Variants in C14orf132 observed in about 807,000 individuals in gnomAD.
C14orf132 encodes uncharacterized protein C14orf132.
A neutral mutation model predicts 5.8 loss-of-function variants in C14orf132; 6 were observed. That is an observed-to-expected ratio of 1.03 (90% CI 0.57 to 2.04). The LOEUF (loss-of-function observed/expected upper bound fraction) is 2.04. Among genes scored for constraint, C14orf132 ranks in the 30% most tolerant of loss-of-function variants. The pLI, the probability that C14orf132 is intolerant of heterozygous loss-of-function variation, is 0.00. For missense variants in C14orf132, 125 were observed against 115.8 expected, an observed-to-expected ratio of 1.08 and a Z score of -0.37; for synonymous variants, 51 against 49.8, an observed-to-expected ratio of 1.02 and a Z score of -0.10.
intron 1 of C14orf132, among the ~76,000 whole-genome samples, chr14:96,079,193 G>A (rs528221782): frequency 1.0e-3 from 158 of 152,292 alleles, no homozygotes; most frequent in Admixed American, 6.2e-3. Flanking sequence ...ACGTACAGCC[G>A]AGTGCTGTGA....
At chr14:96,066,994 G>T (rs542257349) in intron 1 of C14orf132, among the ~76,000 whole-genome samples, 16 of 152,254 alleles carry the variant, frequency 1.1e-4, no homozygotes, top group Non-Finnish European at 1.6e-4. Context: ...TCAGGGAAAT[G>T]AACATCCCTC....
intron 1 of C14orf132, among the ~76,000 whole-genome samples, chr14:96,080,501 T>A (rs1018328703): frequency 6.6e-6 from 1 of 152,204 alleles, no homozygotes; most frequent in Non-Finnish European, 1.5e-5. Flanking sequence ...TATTGTTTTG[T>A]GTTTACCCAT....
chr14:96,040,872 T>C (rs1886674328), intron 1 of C14orf132, among the ~76,000 whole-genome samples: 1 of 152,146 alleles, frequency 6.6e-6, no homozygotes, highest in Admixed American at 6.5e-5. Context: ...CTTTCCAGGA[T>C]TTATTTCTAG....
At chr14:96,057,669 G>C (rs1345838248) in intron 1 of C14orf132, among the ~76,000 whole-genome samples, 1 of 152,206 alleles carries the variant, frequency 6.6e-6, no homozygotes, top group African/African-American at 2.4e-5. Context: ...AGTGGAATCT[G>C]TTTGGCCTCC....
At chr14:96,045,880 G>T (rs552451452) in intron 1 of C14orf132, among the ~76,000 whole-genome samples, 2 of 152,178 alleles carry the variant, frequency 1.3e-5, no homozygotes, top group African/African-American at 4.8e-5. Flanking sequence ...GTTTTTGCCC[G>T]AGTGGCATCA....
At chr14:96,049,316 G>A (rs142487536) in intron 1 of C14orf132, among the ~76,000 whole-genome samples, 64 of 151,518 alleles carry the variant, frequency 4.2e-4, no homozygotes. Flanking sequence ...CTTTTTAAAT[G>A]GAGTGTTGAA....
chr14:96,055,686 G>A (rs1360652286), intron 1 of C14orf132, among the ~76,000 whole-genome samples: 1 of 152,142 alleles, frequency 6.6e-6, no homozygotes, highest in Non-Finnish European at 1.5e-5. Context: ...TTCTGTAAGG[G>A]ACTCTCTGAA....
At position 96,091,412 on chromosome 14, in the gene C14orf132, C is replaced by A; in HGVS notation, c.*4677C>A. 1 of 207,624 alleles carries A rather than the reference C, an allele frequency of 4.8e-6. No homozygotes were observed. The highest frequency in any genetic ancestry group is 9.7e-6 in the Non-Finnish European group (1 of 102,654). The allele number at this position is 207,624 out of a possible 1,614,324, so 12.9% of individuals were successfully genotyped here. A position where few individuals can be genotyped will look rare whatever the true frequency, so the allele number is the denominator to read the frequency against. On this transcript the variant is annotated 3_prime_UTR_variant, in exon 2 of 2. Coordinates refer to ENST00000555004, the MANE Select transcript of C14orf132 (RefSeq NM_001252507.3). The stretch of plus-strand genomic sequence containing the variant: ...AATTTTTCGGGGAGAGCAGCTGAGG[C>A]CGTGTGGAAAATTAGTGGAGAGCTG...
At chr14:96,061,497 T>G (rs994297289) in intron 1 of C14orf132, among the ~76,000 whole-genome samples, 4 of 152,194 alleles carry the variant, frequency 2.6e-5, no homozygotes, top group Non-Finnish European at 5.9e-5. Context: ...GCTAGAGCTG[T>G]GTGTGATGAA....
intron 1 of C14orf132, among the ~76,000 whole-genome samples, chr14:96,073,363 A>G (rs749780797): frequency 4.6e-5 from 7 of 152,222 alleles, no homozygotes; most frequent in Admixed American, 1.3e-4. Flanking sequence ...CCTCATTAAA[A>G]AGTGGGCAAA....
At chr14:96,056,141 C>T (rs1887176793) in intron 1 of C14orf132, among the ~76,000 whole-genome samples, 1 of 152,212 alleles carries the variant, frequency 6.6e-6, no homozygotes, top group South Asian at 2.1e-4. Flanking sequence ...CGGTGTAGGC[C>T]ATTCTAGCTG....
chr14:96,040,878 T>C (rs553330339), intron 1 of C14orf132, among the ~76,000 whole-genome samples: 2 of 152,296 alleles, frequency 1.3e-5, no homozygotes, highest in South Asian at 4.1e-4. Flanking sequence ...AGGATTTATT[T>C]CTAGACTGGA....
At chr14:96,078,412 G>T (rs1309879373) in intron 1 of C14orf132, among the ~76,000 whole-genome samples, 1 of 152,176 alleles carries the variant, frequency 6.6e-6, no homozygotes, top group Non-Finnish European at 1.5e-5. Context: ...GCTCAGTCCT[G>T]GGAGATAAAA....
At chr14:96,056,357 C>T (rs1887183483) in intron 1 of C14orf132, among the ~76,000 whole-genome samples, 1 of 152,160 alleles carries the variant, frequency 6.6e-6, no homozygotes, top group Non-Finnish European at 1.5e-5. Flanking sequence ...GCCTTTTTGG[C>T]CTTGACAATA....
intron 1 of C14orf132, 47 bp from the exon 2 acceptor site, chr14:96,086,464 C>A: frequency 6.6e-7 from 1 of 1,506,328 alleles, no homozygotes; most frequent in African/African-American, 1.4e-5. Context: ...GGTACATCTG[C>A]CCAAGCCCCC....
chr14:96,093,557 C>A lies in C14orf132; in HGVS notation c.*6822C>A, dbSNP rs1255112666. The A allele has an allele frequency of 5.9e-5, 9 of 152,204 alleles. No homozygotes were observed. The highest frequency in any genetic ancestry group is 2.2e-4 in the African/African-American group (9 of 41,432). 9.4% of individuals were successfully genotyped at this position (152,204 alleles called of 1,614,324 possible). A position where few individuals can be genotyped will look rare whatever the true frequency, so the allele number is the denominator to read the frequency against. ...ATTATAACTTGCTACTCTCCAGATA[C>A]CAATTCTTCATGCCGAGAGCATCGG... On this transcript the variant is annotated 3_prime_UTR_variant, in exon 2 of 2. Coordinates refer to ENST00000555004, the MANE Select transcript of C14orf132 (RefSeq NM_001252507.3).
chr14:96,076,220 A>G (rs1887859496), intron 1 of C14orf132, among the ~76,000 whole-genome samples: 1 of 152,174 alleles, frequency 6.6e-6, no homozygotes, highest in African/African-American at 2.4e-5. Context: ...TAATTATCTC[A>G]GTAATTCCTT....
At chr14:96,062,675 C>T (rs1055455191) in intron 1 of C14orf132, among the ~76,000 whole-genome samples, 2 of 152,124 alleles carry the variant, frequency 1.3e-5, no homozygotes, top group South Asian at 2.1e-4. Flanking sequence ...GAGCTGCATC[C>T]GTGTCAGAAC....
intron 1 of C14orf132, among the ~76,000 whole-genome samples, chr14:96,071,288 G>T (rs538235703): frequency 6.6e-6 from 1 of 152,144 alleles, no homozygotes; most frequent in African/African-American, 2.4e-5. Flanking sequence ...CAGCATGGGG[G>T]TAACTGCCCC....
Sources: gnomAD v4.1 joint callset for allele counts (sites outside exome capture counted in the v4.1 genomes callset) on GRCh38, gnomAD v4.1.1 for gene constraint, MANE v1.5 for transcripts, NCBI Gene and HGNC (gene_info 2026-07-23, HGNC 2026-07-21) for gene names.